The following SP4 variants were observed in gnomAD, a reference collection of about 807,000 sequenced individuals.
The protein encoded by SP4 is transcription factor Sp4.
SP4 carries 19 observed loss-of-function variants against 72.8 expected under a neutral mutation model. That is an observed-to-expected ratio of 0.26 (90% CI 0.18 to 0.38). The LOEUF is 0.38. Ranked by LOEUF, SP4 falls within the 10% of genes least tolerant of loss-of-function variation. The probability of loss-of-function intolerance (pLI) is 1.00; values close to 1 mark genes in which losing one functional copy is unlikely to be tolerated. For synonymous variants in SP4, 395 were observed against 333.1 expected (o/e 1.19, Z -2.02); for missense variants, 1,008 against 926.3 (o/e 1.09, Z -1.14).
intron 5 of SP4, 55 bp from the exon 6 acceptor site, chr7:21,510,967 T>G: frequency 6.6e-7 from 1 of 1,506,806 alleles, no homozygotes; most frequent in East Asian, 2.3e-5. Context: ...TATTAAAAAT[T>G]ATAATTTCAC....
At chr7:21,502,920 CAG>C (rs1781906016) in intron 5 of SP4, among the ~76,000 whole-genome samples, 1 of 152,130 alleles carries the variant, frequency 6.6e-6, no homozygotes, top group Non-Finnish European at 1.5e-5. Context: ...AGATTTTTCT[CAG>C]AGTTAACTTT....
intron 3 of SP4, among the ~76,000 whole-genome samples, chr7:21,463,070 A>C (rs1234525639): frequency 6.6e-6 from 1 of 151,596 alleles, no homozygotes; most frequent in Non-Finnish European, 1.5e-5. Flanking sequence ...CTGATAAATA[A>C]CTTTTCTTTT....
intron 3 of SP4, among the ~76,000 whole-genome samples, chr7:21,433,533 A>C (rs1457579361): frequency 6.6e-6 from 1 of 152,238 alleles, no homozygotes; most frequent in African/African-American, 2.4e-5. Context: ...AAGGTATAAA[A>C]GATGATGGAG....
At chr7:21,476,441 A>G (rs1784503766) in intron 3 of SP4, among the ~76,000 whole-genome samples, 1 of 152,308 alleles carries the variant, frequency 6.6e-6, no homozygotes, top group East Asian at 1.9e-4. Flanking sequence ...TAAGCTATAT[A>G]ACATGAATGA....
At chr7:21,502,051 C>CCCCT (rs1554301442) in intron 5 of SP4, among the ~76,000 whole-genome samples, 2 of 81,864 alleles carry the variant, frequency 2.4e-5, no homozygotes. Context: ...CCCCCCCCCC[C>CCCCT]CCGGAACTCC....
At chr7:21,497,110 T>C (rs1458230952) in intron 5 of SP4, among the ~76,000 whole-genome samples, 1 of 152,268 alleles carries the variant, frequency 6.6e-6, no homozygotes, top group Non-Finnish European at 1.5e-5. Context: ...GTTAAAATAC[T>C]TGCTTCTAAT....
chr7:21,479,839 C>G (rs914495137), intron 4 of SP4, among the ~76,000 whole-genome samples: 17 of 152,174 alleles, frequency 1.1e-4, no homozygotes, highest in Admixed American at 4.6e-4. Flanking sequence ...ACATTTTGTA[C>G]TTTTGTTAAA....
chr7:21,430,752 A>G lies in SP4; in HGVS notation c.1587A>G (p.Ser529=), dbSNP rs1174175830. The G allele has an allele frequency of 6.2e-7, 1 of 1,614,110 alleles. No individual in the cohort carries two copies. Among genetic ancestry groups the G allele is most frequent in the South Asian group, 1.1e-5 (1 of 91,092 alleles). ...PITLNTAQLA[S]VPNLQTVSVA... ...CTTTGAATACTGCCCAGCTTGCATC[A>G]GTGCCTAACCTTCAGACAGTGAGCG... Residue 529 remains serine (S), a synonymous_variant, in exon 3 of 6, where the codon TCA becomes TCG. Transcript: ENST00000222584.
chr7:21,486,725 A>G (rs750189769), intron 5 of SP4, among the ~76,000 whole-genome samples: 22 of 152,172 alleles, frequency 1.4e-4, no homozygotes, highest in Non-Finnish European at 2.4e-4. Context: ...GGTGTGCCAC[A>G]TTTCTTCACT....
At chr7:21,461,258 T>A (rs1783969115) in intron 3 of SP4, among the ~76,000 whole-genome samples, 1 of 151,940 alleles carries the variant, frequency 6.6e-6, no homozygotes, top group Admixed American at 6.5e-5. Flanking sequence ...GCGGTGCTTG[T>A]TGGGGAGACT....
At chr7:21,479,826 T>C (rs1407076123) in intron 4 of SP4, among the ~76,000 whole-genome samples, 1 of 152,248 alleles carries the variant, frequency 6.6e-6, no homozygotes, top group Non-Finnish European at 1.5e-5. Context: ...GTTTTCAGAG[T>C]ATACATTTTG....
rs961406842 is a variant in SP4 at position 21,511,900 on chromosome 7, G to A, written c.*631G>A. 1.3e-5 allele frequency: 2 copies of A among 152,550 alleles called. No individual in the cohort carries two copies. Among genetic ancestry groups the A allele is most frequent in the Admixed American group, 1.3e-4 (2 of 15,280 alleles). The allele number at this position is 152,550 out of a possible 1,614,324, so 9.4% of individuals were successfully genotyped here. A position where few individuals can be genotyped will look rare whatever the true frequency, so the allele number is the denominator to read the frequency against. On this transcript the variant is annotated 3_prime_UTR_variant, in exon 6 of 6. Transcript: ENST00000222584. ...AGTAGTGTGTATGCAGACAATCAGTGAAGTCCAATTACTTTCTCCATTTGG... is the reference window on the plus strand; with the variant it reads ...AGTAGTGTGTATGCAGACAATCAGTAAAGTCCAATTACTTTCTCCATTTGG...
intron 3 of SP4, among the ~76,000 whole-genome samples, chr7:21,471,862 T>C (rs945017611): frequency 1.3e-5 from 2 of 152,102 alleles, no homozygotes; most frequent in African/African-American, 4.8e-5. Context: ...GACAGTAATA[T>C]TTAGCCCATA....
At chr7:21,440,221 T>G (rs968312778) in intron 3 of SP4, among the ~76,000 whole-genome samples, 1 of 152,192 alleles carries the variant, frequency 6.6e-6, no homozygotes, top group African/African-American at 2.4e-5. Context: ...ATTCCTTTTT[T>G]TCATTTGCAA....
At chr7:21,488,202 C>G (rs62439717) in intron 5 of SP4, among the ~76,000 whole-genome samples, 35,036 of 152,074 alleles carry the variant, frequency 0.23, 4,221 homozygotes, top group Middle Eastern at 0.44. Context: ...GGGTGGAACA[C>G]TGTGTTACAC....
intron 5 of SP4, among the ~76,000 whole-genome samples, chr7:21,487,067 T>G (rs1034543813): frequency 5.3e-5 from 8 of 152,228 alleles, no homozygotes; most frequent in African/African-American, 1.9e-4. Flanking sequence ...ATGCAATCAT[T>G]TATTTACATT....
At chr7:21,502,891 C>T (rs1233771350) in intron 5 of SP4, among the ~76,000 whole-genome samples, 1 of 152,218 alleles carries the variant, frequency 6.6e-6, no homozygotes, top group South Asian at 2.1e-4. Context: ...GAACTGGGGC[C>T]AGCCCATGTT....
At chr7:21,475,110 T>G (rs1784460518) in intron 3 of SP4, among the ~76,000 whole-genome samples, 1 of 151,736 alleles carries the variant, frequency 6.6e-6, no homozygotes, top group African/African-American at 2.4e-5. Flanking sequence ...TTTTTTGTTT[T>G]TTGTTTTTTG....
At chr7:21,466,049 T>C (rs1784158511) in intron 3 of SP4, among the ~76,000 whole-genome samples, 1 of 152,158 alleles carries the variant, frequency 6.6e-6, no homozygotes, top group Admixed American at 6.5e-5. Flanking sequence ...ATTCATCTCC[T>C]CTGTGAAGCC....
Sources: allele counts gnomAD v4.1 joint callset (sites outside exome capture counted in the v4.1 genomes callset), GRCh38; gene constraint gnomAD v4.1.1; transcripts MANE v1.5; gene names NCBI Gene and HGNC (gene_info 2026-07-23, HGNC 2026-07-21).